CHRNA7: variants seen among roughly 807,000 people sequenced by gnomAD.
CHRNA7 encodes neuronal acetylcholine receptor subunit alpha-7.
In CHRNA7, 17 loss-of-function variants were observed where a neutral mutation model predicts 48.0. The ratio of observed to expected loss-of-function variants is 0.35; its 90% CI spans 0.24 to 0.53. CHRNA7 has a LOEUF of 0.53. CHRNA7 is among the 20% of genes least tolerant of loss of function. The pLI is 0.92. For missense variants in CHRNA7, 155 were observed against 577.7 expected, an observed-to-expected ratio of 0.27 and a Z score of 7.50; for synonymous variants, 75 against 242.3, an observed-to-expected ratio of 0.31 and a Z score of 6.41.
intron 2 of CHRNA7, among the ~76,000 whole-genome samples, chr15:32,081,382 G>A (rs2050213030): frequency 6.6e-6 from 1 of 152,038 alleles, no homozygotes; most frequent in African/African-American, 2.4e-5. Flanking sequence ...GGGCTTATGT[G>A]TGCCATTTTA....
intron 2 of CHRNA7, among the ~76,000 whole-genome samples, chr15:32,051,665 G>A (rs1048200654): frequency 8.5e-5 from 13 of 152,154 alleles, no homozygotes; most frequent in African/African-American, 1.2e-4. Flanking sequence ...ACTGTGCTGC[G>A]CCCACTGTCT....
At chr15:32,081,942 C>G (rs2050222535) in intron 2 of CHRNA7, among the ~76,000 whole-genome samples, 1 of 152,078 alleles carries the variant, frequency 6.6e-6, no homozygotes, top group Non-Finnish European at 1.5e-5. Flanking sequence ...AGAATTTCTT[C>G]ATTTTTCTTT....
chr15:32,052,106 C>A (rs2049695346), intron 2 of CHRNA7, among the ~76,000 whole-genome samples: 1 of 152,106 alleles, frequency 6.6e-6, no homozygotes, highest in Non-Finnish European at 1.5e-5. Context: ...GGCCTCAAAT[C>A]TTGGTATTCT....
intron 2 of CHRNA7, among the ~76,000 whole-genome samples, chr15:32,048,837 T>C (rs973986961): frequency 1.3e-5 from 2 of 151,954 alleles, no homozygotes; most frequent in Non-Finnish European, 2.9e-5. Flanking sequence ...AGACACTGCT[T>C]TGAATGCATC....
Position 32,149,314 on chromosome 15 carries a change from C to T in CHRNA7, c.351-4593C>T, listed in dbSNP as rs942731805. 6.6e-6 allele frequency among the ~76,000 whole-genome samples: 1 copy of T among 152,208 alleles called. No homozygotes were observed. The highest frequency in any genetic ancestry group is 1.5e-5 in the Non-Finnish European group (1 of 68,040). ...GTTATGGGTGTTTGCCAGCACAGGG[C>T]TGCCCAGCACTGGTGAGGGGGTCAC... is the stretch of plus-strand genomic sequence containing the variant. On this transcript the variant is annotated intron_variant, in intron 4 of 9. Transcript: ENST00000306901. The surrounding 1 kb of genome is among the most constrained non-coding windows in gnomAD (Gnocchi z 4.6).
At chr15:32,146,440 T>C (rs2051490526) in intron 4 of CHRNA7, among the ~76,000 whole-genome samples, 1 of 152,054 alleles carries the variant, frequency 6.6e-6, no homozygotes, top group Non-Finnish European at 1.5e-5. Context: ...AGTAAAATAA[T>C]AAAATGTTTA....
At chr15:32,138,420 G>T (rs1009087763) in intron 4 of CHRNA7, among the ~76,000 whole-genome samples, 1 of 151,962 alleles carries the variant, frequency 6.6e-6, no homozygotes, top group African/African-American at 2.4e-5. Flanking sequence ...TGTGTGGAAG[G>T]TACAAGTTCC....
intron 4 of CHRNA7, among the ~76,000 whole-genome samples, chr15:32,134,906 C>T (rs1003083531): frequency 1.5e-4 from 23 of 152,222 alleles, no homozygotes; most frequent in African/African-American, 5.3e-4. Context: ...CTGCGTGAAT[C>T]ATAGAAAGCT....
intron 4 of CHRNA7, among the ~76,000 whole-genome samples, chr15:32,120,165 A>C (rs1469041402): frequency 6.6e-6 from 1 of 152,210 alleles, no homozygotes; most frequent in Non-Finnish European, 1.5e-5. Context: ...AGAGAGGTTC[A>C]GCCACTTGCC....
chr15:32,138,661 T>C (rs1047740448), intron 4 of CHRNA7, among the ~76,000 whole-genome samples: 9 of 152,152 alleles, frequency 5.9e-5, no homozygotes, highest in African/African-American at 1.9e-4. Flanking sequence ...TTCACTGCCC[T>C]AAAAATCCTC....
intron 2 of CHRNA7, among the ~76,000 whole-genome samples, chr15:32,065,482 G>A (rs2049948724): frequency 6.6e-6 from 1 of 152,210 alleles, no homozygotes; most frequent in Non-Finnish European, 1.5e-5. Flanking sequence ...GCTTAACCTT[G>A]GGGCTGCCTG....
intron 2 of CHRNA7, among the ~76,000 whole-genome samples, chr15:32,050,545 G>A (rs893300766): frequency 3.3e-5 from 5 of 152,008 alleles, no homozygotes; most frequent in African/African-American, 4.8e-5. Context: ...TTATACATTC[G>A]TCTAAATTTT....
At chr15:32,057,876 A>G (rs1478474792) in intron 2 of CHRNA7, among the ~76,000 whole-genome samples, 1 of 152,236 alleles carries the variant, frequency 6.6e-6, no homozygotes, top group East Asian at 1.9e-4. Flanking sequence ...CACATCCTAT[A>G]AACAACTAGA....
At chr15:32,107,679 C>T (rs910858892) in intron 3 of CHRNA7, among the ~76,000 whole-genome samples, 2 of 152,036 alleles carry the variant, frequency 1.3e-5, no homozygotes, top group Non-Finnish European at 1.5e-5. Flanking sequence ...CAAGGGTGCG[C>T]GGAGCTGTTG....
chr15:32,101,440 G>T, intron 3 of CHRNA7, 93 bp downstream of exon 3: 2 of 1,375,368 alleles, frequency 1.5e-6, no homozygotes, highest in African/African-American at 1.5e-5. Context: ...CTTCTGAGAG[G>T]TCCTGTTTAG....
intron 2 of CHRNA7, among the ~76,000 whole-genome samples, chr15:32,053,416 T>C (rs1324027617): frequency 2.6e-5 from 4 of 152,226 alleles, no homozygotes; most frequent in Non-Finnish European, 5.9e-5. Flanking sequence ...GGGAAGTCAT[T>C]TGGCATCTTC....
At chr15:32,074,197 CTGTTTTTGTTT>C (rs1402294654) in intron 2 of CHRNA7, among the ~76,000 whole-genome samples, 1 of 151,198 alleles carries the variant, frequency 6.6e-6, no homozygotes, top group African/African-American at 2.4e-5. Context: ...CTCACTTATT[CTGTTTTTGTTT>C]TGTTTTTGTG....
At chr15:32,166,452 T>C (rs1212020792) in intron 9 of CHRNA7, 1 of 152,328 alleles carries the variant, frequency 6.6e-6, no homozygotes, top group African/African-American at 2.4e-5. Flanking sequence ...GTTATTTTTA[T>C]AGCTGCAATG....
chr15:32,123,445 A>G (rs2051008799), intron 4 of CHRNA7, among the ~76,000 whole-genome samples: 2 of 152,234 alleles, frequency 1.3e-5, no homozygotes, highest in South Asian at 4.1e-4. Flanking sequence ...GAAAACTGAG[A>G]AACAGTGTAA....
Sources: gnomAD v4.1 joint callset for allele counts (sites outside exome capture counted in the v4.1 genomes callset) on GRCh38, gnomAD v4.1.1 for gene constraint, Gnocchi (gnomAD v3.1) non-coding constraint, MANE v1.5 for transcripts, NCBI Gene and HGNC (gene_info 2026-07-23, HGNC 2026-07-21) for gene names.